The following DNAL1 variants were observed in gnomAD, a reference collection of about 807,000 sequenced individuals.
The protein encoded by DNAL1 is chromosome 14 open reading frame 168.
A neutral mutation model predicts 29.4 loss-of-function variants in DNAL1; 17 were observed. The observed-to-expected ratio is 0.58, with a 90% CI of 0.40 to 0.87. The LOEUF is 0.87. Ranked by LOEUF, DNAL1 falls within the 40% of genes least tolerant of loss-of-function variation. The probability of loss-of-function intolerance (pLI) is 0.00; values close to 1 mark genes in which losing one functional copy is unlikely to be tolerated. For synonymous variants in DNAL1, 78 were observed against 76.3 expected, an observed-to-expected ratio of 1.02 and a Z score of -0.12; for missense variants, 188 against 214.1, an observed-to-expected ratio of 0.88 and a Z score of 0.76.
At chr14:73,675,841 C>A (rs1399119587) in intron 5 of DNAL1, among the ~76,000 whole-genome samples, 1 of 151,652 alleles carries the variant, frequency 6.6e-6, no homozygotes, top group African/African-American at 2.4e-5. Flanking sequence ...ATGGTGAAAC[C>A]CCGTCTCTAC....
chr14:73,677,984 C>T (rs1242744217), intron 5 of DNAL1, among the ~76,000 whole-genome samples: 1 of 151,062 alleles, frequency 6.6e-6, no homozygotes, highest in Non-Finnish European at 1.5e-5. Context: ...GCAACCTCGA[C>T]CTCCTGGGCT....
rs1232389803 is a variant in DNAL1, at chr14:73,687,255, T to C, written c.265-4T>C. On this transcript the variant is annotated splice_polypyrimidine_tract_variant and splice_region_variant and intron_variant, in intron 5 of 7. Coordinates refer to ENST00000553645, the MANE Select transcript of DNAL1 (RefSeq NM_031427.4). The stretch of plus-strand genomic sequence containing the variant: ...AACATAAATCAAATTTTGTTCTTTT[T>C]CAGGAGGCAGTAGGGGACACATTAG... 5.0e-6 allele frequency: 8 copies of C among 1,610,684 alleles called. No individual in the cohort carries two copies. In the South Asian group the frequency reaches 8.8e-5, roughly 18 times the overall value.
intron 3 of DNAL1, among the ~76,000 whole-genome samples, chr14:73,660,093 A>ATT (rs143340050): frequency 6.6e-6 from 1 of 151,392 alleles, no homozygotes; most frequent in Admixed American, 6.6e-5. Context: ...CACCCATCTA[A>ATT]TTTTTTTTGT....
rs1449873828 is a variant in DNAL1 at position 73,662,005 on chromosome 14, A to C, written c.171A>C (p.Thr57=). The C allele has an allele frequency of 6.4e-7, 1 of 1,559,602 alleles. No homozygotes were observed. The highest frequency in any genetic ancestry group is 1.9e-5 in the Admixed American group (1 of 51,894). Residue 57 remains threonine, a synonymous_variant, in exon 4 of 8, where the codon ACA becomes ACC. Transcript: ENST00000553645. Reference sequence around the variant, plus strand: ...TTTAAAGGAAGCTTTCACTGTCTACAAACTGCATTGAAAAAATTGCCAACC... The same window carrying C: ...TTTAAAGGAAGCTTTCACTGTCTACCAACTGCATTGAAAAAATTGCCAACC... ...LANCEKLSLS[T]NCIEKIANLN...
Position 73,688,869 on chromosome 14 carries a change from C to T in DNAL1, c.392-506C>T, listed in dbSNP as rs77552801. Reference sequence around the variant, plus strand: ...AGTAGAGAGGTATGTCTTCTTTTTCCCTCCCATCCTGTACTGTCTTCTGAG... The same window carrying T: ...AGTAGAGAGGTATGTCTTCTTTTTCTCTCCCATCCTGTACTGTCTTCTGAG... On this transcript the variant is annotated intron_variant, in intron 6 of 7. Coordinates refer to ENST00000553645, the MANE Select transcript of DNAL1 (RefSeq NM_031427.4). 8.0e-3 allele frequency among the ~76,000 whole-genome samples: 1,222 copies of T among 151,992 alleles called. 23 individuals are homozygous for T. Among genetic ancestry groups the T allele is most frequent in the African/African-American group, 0.028 (1,158 of 41,440 alleles).
rs997133304 is a variant in DNAL1, at chr14:73,701,331, G to A, written c.*5389G>A. ...GTAAATATCTAGCCTGCACTTGGATGTTAGAGAATCAAACCTCACCCTTGC... is the reference window on the plus strand; with the variant it reads ...GTAAATATCTAGCCTGCACTTGGATATTAGAGAATCAAACCTCACCCTTGC... On this transcript the variant is annotated 3_prime_UTR_variant, in exon 8 of 8. Transcript: ENST00000553645. The A allele has an allele frequency of 1.3e-5, 2 of 152,212 alleles. No individual in the cohort carries two copies. The highest frequency in any genetic ancestry group is 2.9e-5 in the Non-Finnish European group (2 of 68,034). 9.4% of individuals were successfully genotyped at this position (152,212 alleles called of 1,614,324 possible). A position where few individuals can be genotyped will look rare whatever the true frequency, so the allele number is the denominator to read the frequency against.
intron 5 of DNAL1, among the ~76,000 whole-genome samples, chr14:73,675,720 T>C (rs1307316538): frequency 2.6e-5 from 4 of 152,184 alleles, no homozygotes; most frequent in African/African-American, 4.8e-5. Flanking sequence ...TACACAACTA[T>C]TAAGTTAAAA....
At position 73,700,595 on chromosome 14, in the gene DNAL1, A is replaced by G. The variant is rs1892412714; in HGVS notation, c.*4653A>G. The G allele has an allele frequency of 6.6e-6, 1 of 152,226 alleles. No homozygotes were observed. Among genetic ancestry groups the G allele is most frequent in the Non-Finnish European group, 1.5e-5 (1 of 68,036 alleles). 9.4% of individuals were successfully genotyped at this position (152,226 alleles called of 1,614,324 possible). On this transcript the variant is annotated 3_prime_UTR_variant, in exon 8 of 8. Coordinates refer to ENST00000553645, the MANE Select transcript of DNAL1 (RefSeq NM_031427.4). The stretch of plus-strand genomic sequence containing the variant: ...CCAGAAAGGTTGGAGTTAATCATTC[A>G]CTTAAAAGCATTAGGAGGAAGTGTC...
chr14:73,689,410 G>A lies in DNAL1; in HGVS notation c.427G>A (p.Glu143Lys), dbSNP rs1892110958. 6.4e-6 allele frequency: 10 copies of A among 1,554,020 alleles called. No homozygotes were observed. Among genetic ancestry groups the A allele is most frequent in the Non-Finnish European group, 7.8e-6 (9 of 1,148,212 alleles). Residue 143 changes from glutamate to lysine, a missense_variant, in exon 7 of 8, where the codon GAA becomes AAA. Physicochemically the swap from Glu to Lys is moderately conservative, Grantham distance 56. Coordinates refer to ENST00000553645, the MANE Select transcript of DNAL1 (RefSeq NM_031427.4). ...FVKLAELPCL[E>K]DLVFVGNPLE... ...GAAGCTGGCAGAACTGCCATGCCTC[G>A]AAGACCTGGTGTTTGTAGGCAATCC...
chr14:73,687,698 C>T (rs970452050), intron 6 of DNAL1, among the ~76,000 whole-genome samples: 11 of 152,156 alleles, frequency 7.2e-5, no homozygotes, highest in Admixed American at 3.3e-4. Flanking sequence ...CGGTGAAACC[C>T]CGTCTCTACT....
At chr14:73,649,343 C>T (rs1201655738) in intron 1 of DNAL1, among the ~76,000 whole-genome samples, 1 of 149,730 alleles carries the variant, frequency 6.7e-6, no homozygotes, top group Non-Finnish European at 1.5e-5. Flanking sequence ...AGTGCAGTGG[C>T]GCGATCTCGG....
At chr14:73,686,671 G>C (rs565101719) in intron 5 of DNAL1, among the ~76,000 whole-genome samples, 1 of 152,284 alleles carries the variant, frequency 6.6e-6, no homozygotes, top group East Asian at 1.9e-4. Flanking sequence ...GTGTGACACT[G>C]CACCCCAGTC....
At chr14:73,647,585 A>G (rs774092049) in intron 1 of DNAL1, among the ~76,000 whole-genome samples, 17 of 152,152 alleles carry the variant, frequency 1.1e-4, no homozygotes, top group South Asian at 4.1e-4. Flanking sequence ...CCCACCTGCT[A>G]ACAGTTGTCT....
rs1892426705 is a variant in DNAL1, at chr14:73,701,083, TA to T, written c.*5143del. 6.6e-6 allele frequency: 1 copy of T among 152,240 alleles called. No individual in the cohort carries two copies. Among genetic ancestry groups the T allele is most frequent in the Non-Finnish European group, 1.5e-5 (1 of 68,038 alleles). The allele number at this position is 152,240 out of a possible 1,614,324, so 9.4% of individuals were successfully genotyped here. On this transcript the variant is annotated 3_prime_UTR_variant, in exon 8 of 8. Coordinates refer to ENST00000553645, the MANE Select transcript of DNAL1 (RefSeq NM_031427.4). Reference sequence around the variant, plus strand: ...GACTGAGTCTTACCTTTCTCTGACCTAAGATAAACTGATAAAACTTTTTACT... The same window carrying T: ...GACTGAGTCTTACCTTTCTCTGACCTAGATAAACTGATAAAACTTTTTACT...
At chr14:73,664,314 T>G (rs1832370565) in intron 4 of DNAL1, among the ~76,000 whole-genome samples, 1 of 152,218 alleles carries the variant, frequency 6.6e-6, no homozygotes. Context: ...GCCCTTCAGG[T>G]GACCTTCATC....
At chr14:73,662,663 C>T (rs1023621786) in intron 4 of DNAL1, among the ~76,000 whole-genome samples, 1 of 152,130 alleles carries the variant, frequency 6.6e-6, no homozygotes, top group Non-Finnish European at 1.5e-5. Context: ...CAGTCTCTGC[C>T]AGTAGTCACA....
intron 7 of DNAL1, 137 bp downstream of exon 7, chr14:73,689,652 A>G: frequency 3.0e-6 from 4 of 1,354,438 alleles, no homozygotes; most frequent in Non-Finnish European, 4.1e-6. Flanking sequence ...TGTAAAATTG[A>G]ATGGTCTAGG....
At chr14:73,690,566 C>T (rs1211145697) in intron 7 of DNAL1, among the ~76,000 whole-genome samples, 2 of 151,710 alleles carry the variant, frequency 1.3e-5, no homozygotes, top group Non-Finnish European at 2.9e-5. Context: ...GCAGGAGAAT[C>T]GCTTGAATCC....
At chr14:73,690,618 C>T (rs2140061744) in intron 7 of DNAL1, among the ~76,000 whole-genome samples, 1 of 151,098 alleles carries the variant, frequency 6.6e-6, no homozygotes, top group African/African-American at 2.4e-5. Flanking sequence ...TGCCACTACA[C>T]TCCAGCCTAG....
Sources: allele counts gnomAD v4.1 joint callset (sites outside exome capture counted in the v4.1 genomes callset), GRCh38; gene constraint gnomAD v4.1.1; transcripts MANE v1.5; gene names NCBI Gene and HGNC (gene_info 2026-07-23, HGNC 2026-07-21).